Variants in TIMP3 observed in about 807,000 individuals in gnomAD.
The protein encoded by TIMP3 is TIMP metallopeptidase inhibitor 3.
In TIMP3, 11 loss-of-function variants were observed where a neutral mutation model predicts 30.0. The observed-to-expected ratio is 0.37, with a 90% confidence interval of 0.23 to 0.61. The LOEUF (loss-of-function observed/expected upper bound fraction) is 0.61. Among genes scored for constraint, TIMP3 ranks in the 20% least tolerant of loss-of-function variants. TIMP3 has a pLI of 0.70. For synonymous variants in TIMP3, 112 were observed against 111.3 expected (o/e 1.01, Z -0.04); for missense variants, 181 against 276.8 (o/e 0.65, Z 2.45).
chr22:32,845,744 CACA>C (rs2048042569), intron 1 of TIMP3, among the ~76,000 whole-genome samples: 2 of 152,148 alleles, frequency 1.3e-5, no homozygotes, highest in African/African-American at 4.8e-5. Flanking sequence ...TTCTAGCCAC[CACA>C]ACAAGGTGGA....
intron 1 of TIMP3, among the ~76,000 whole-genome samples, chr22:32,836,490 A>ATTTAT (rs1472717992): frequency 1.3e-5 from 2 of 152,162 alleles, no homozygotes; most frequent in African/African-American, 4.8e-5. Flanking sequence ...TTCTTTACTT[A>ATTTAT]TTTATTTTAT....
chr22:32,804,489 A>C (rs2046673070), intron 1 of TIMP3, among the ~76,000 whole-genome samples: 1 of 152,214 alleles, frequency 6.6e-6, no homozygotes, highest in South Asian at 2.1e-4. Context: ...TGTTCACATC[A>C]GCCCATCAAC....
intron 1 of TIMP3, among the ~76,000 whole-genome samples, chr22:32,813,365 T>C (rs1414942958): frequency 6.6e-6 from 1 of 152,148 alleles, no homozygotes; most frequent in Non-Finnish European, 1.5e-5. Flanking sequence ...AGGTCCCTTC[T>C]GGAGGGGACA....
At chr22:32,855,598 G>C (rs2048339997) in intron 2 of TIMP3, among the ~76,000 whole-genome samples, 1 of 152,118 alleles carries the variant, frequency 6.6e-6, no homozygotes, top group South Asian at 2.1e-4. Context: ...TACCTCATAG[G>C]GTTGTCATGG....
chr22:32,841,035 A>G (rs2047886258), intron 1 of TIMP3, among the ~76,000 whole-genome samples: 1 of 152,160 alleles, frequency 6.6e-6, no homozygotes, highest in South Asian at 2.1e-4. Flanking sequence ...TAAGACTTAG[A>G]AAGACTGGTC....
At chr22:32,857,224 G>A (rs370901487) in intron 2 of TIMP3, 25 bp from the exon 3 acceptor site, 5 of 1,574,306 alleles carry the variant, frequency 3.2e-6, no homozygotes, top group Non-Finnish European at 2.6e-6. Flanking sequence ...GAAAGAAGAA[G>A]TCATGATGTT....
chr22:32,830,954 T>TG (rs1348175410), intron 1 of TIMP3, among the ~76,000 whole-genome samples: 1 of 151,508 alleles, frequency 6.6e-6, no homozygotes, highest in Non-Finnish European at 1.5e-5. Context: ...AAAATGTGTG[T>TG]TTTTTTTTCC....
intron 3 of TIMP3, among the ~76,000 whole-genome samples, chr22:32,857,587 T>G (rs1287732268): frequency 1.3e-5 from 2 of 152,244 alleles, no homozygotes; most frequent in Admixed American, 1.3e-4. Flanking sequence ...GGAAATCTCC[T>G]AATTTGTAGC....
At position 32,801,991 on chromosome 22, in the gene TIMP3, C is replaced by T; in HGVS notation, c.-11C>T. On this transcript the variant is annotated 5_prime_UTR_variant, in exon 1 of 5. Transcript: ENST00000266085. The surrounding 1 kb of genome is among the most constrained non-coding windows in gnomAD (Gnocchi z 4.7). ...CGAGCAGCAGCCCCGGCAGCGGCGG[C>T]AGCAGCGGCAATGACCCCTTGGCTC... 1 of 1,583,102 alleles carries T rather than the reference C, an allele frequency of 6.3e-7. No homozygotes were observed. The highest frequency in any genetic ancestry group is 8.5e-7 in the Non-Finnish European group (1 of 1,171,414).
chr22:32,836,991 G>T (rs900950371), intron 1 of TIMP3, among the ~76,000 whole-genome samples: 1 of 152,182 alleles, frequency 6.6e-6, no homozygotes, highest in Non-Finnish European at 1.5e-5. Context: ...TGCGGGTCTG[G>T]CGTGCAAAGG....
intron 1 of TIMP3, among the ~76,000 whole-genome samples, chr22:32,830,628 C>T (rs982862122): frequency 1.3e-5 from 2 of 152,178 alleles, no homozygotes; most frequent in African/African-American, 2.4e-5. Context: ...AAGGAATTCT[C>T]GTTGGAAAAC....
chr22:32,845,275 C>A (rs979806462), intron 1 of TIMP3, among the ~76,000 whole-genome samples: 2 of 152,018 alleles, frequency 1.3e-5, no homozygotes, highest in Non-Finnish European at 1.5e-5. Context: ...CGGCTCACTG[C>A]AACCTCCACC....
rs1044396172 is a variant in TIMP3 at position 32,812,103 on chromosome 22, C to T, written c.121+9981C>T. On this transcript the variant is annotated intron_variant, in intron 1 of 4. Transcript: ENST00000266085. Reference sequence around the variant, plus strand: ...TGATACTGACCTCCCTGGGTTTGGTCTCTTATCTGTAAAACAGCAGGATAT... The same window carrying T: ...TGATACTGACCTCCCTGGGTTTGGTTTCTTATCTGTAAAACAGCAGGATAT... Among the ~76,000 whole-genome samples the T allele has an allele frequency of 5.9e-5, 9 of 152,250 alleles. No homozygotes were observed. In the South Asian group the frequency reaches 1.5e-3, roughly 25 times the overall value.
chr22:32,842,625 C>T (rs1445296859), intron 1 of TIMP3, among the ~76,000 whole-genome samples: 1 of 152,116 alleles, frequency 6.6e-6, no homozygotes, highest in Non-Finnish European at 1.5e-5. Context: ...TTACAAAGTA[C>T]CTTTGTACAT....
Position 32,808,733 on chromosome 22 carries a change from C to G in TIMP3, c.121+6611C>G, listed in dbSNP as rs73885106. Among the ~76,000 whole-genome samples, 1,069 of 152,288 alleles carry G rather than the reference C, an allele frequency of 7.0e-3. 14 individuals are homozygous for G. The highest frequency in any genetic ancestry group is 0.025 in the African/African-American group (1,039 of 41,552). On this transcript the variant is annotated intron_variant, in intron 1 of 4. Transcript: ENST00000266085. ...CCTTTGGTTCCTTTCCCTGATCACT[C>G]CTTGGCATTGGTACAGACGAACAGT...
intron 1 of TIMP3, among the ~76,000 whole-genome samples, chr22:32,841,348 G>A (rs959281495): frequency 5.9e-5 from 9 of 152,198 alleles, no homozygotes; most frequent in Admixed American, 4.6e-4. Flanking sequence ...GGATTGCGAG[G>A]AGGGGGAGGA....
rs919339050 is a variant in TIMP3 at position 32,834,666 on chromosome 22, A to G, written c.122-14786A>G. Among the ~76,000 whole-genome samples, 9 of 152,354 alleles carry G rather than the reference A, an allele frequency of 5.9e-5. 1 individual carries two copies. The highest frequency in any genetic ancestry group is 5.9e-4 in the Admixed American group (9 of 15,308). On this transcript the variant is annotated intron_variant, in intron 1 of 4. Transcript: ENST00000266085. ...AGGACTCTAGTGTCCAGAAGCAGGC[A>G]TGTGCAGTTTATCATTACAGCCCTC...
chr22:32,828,487 A>AG (rs1279087060), intron 1 of TIMP3, among the ~76,000 whole-genome samples: 3 of 152,242 alleles, frequency 2.0e-5, no homozygotes, highest in African/African-American at 7.2e-5. Context: ...GGAAAGAAGG[A>AG]GCAGAATTGA....
Position 32,859,336 on chromosome 22 carries a change from GC to G in TIMP3, c.602del (p.Pro201ArgfsTer26). On this transcript the variant is annotated frameshift_variant, in exon 5 of 5. Coordinates refer to ENST00000266085, the MANE Select transcript of TIMP3 (RefSeq NM_000362.5). LOFTEE classifies it high-confidence loss of function. ...GGYCSWYRGW[A>X]PPDKSIINAT... Reference sequence around the variant, plus strand: ...CTACTGCAGCTGGTACCGAGGATGGGCCCCCCCGGATAAAAGCATCATCAAT... The same window carrying G: ...CTACTGCAGCTGGTACCGAGGATGGGCCCCCCGGATAAAAGCATCATCAAT... 1.2e-6 allele frequency: 2 copies of G among 1,613,092 alleles called. No individual in the cohort carries two copies. Among genetic ancestry groups the G allele is most frequent in the Non-Finnish European group, 1.7e-6 (2 of 1,179,964 alleles).
Sources: allele counts gnomAD v4.1 joint callset (sites outside exome capture counted in the v4.1 genomes callset), GRCh38; gene constraint gnomAD v4.1.1; non-coding constraint Gnocchi (gnomAD v3.1); transcripts MANE v1.5; gene names NCBI Gene and HGNC (gene_info 2026-07-23, HGNC 2026-07-21).